The following CDH13 variants were observed in gnomAD, a reference collection of about 807,000 sequenced individuals.
CDH13 encodes cadherin 13.
CDH13 carries 24 observed loss-of-function variants against 63.8 expected under a neutral mutation model. That is an observed-to-expected ratio of 0.38 (90% CI 0.27 to 0.53). The LOEUF is 0.53. CDH13 is among the 20% of genes least tolerant of loss of function. The pLI, the probability that CDH13 is intolerant of heterozygous loss-of-function variation, is 0.85. For missense variants in CDH13, 1,049 were observed against 903.1 expected (o/e 1.16, Z -2.07); for synonymous variants, 503 against 355.3 (o/e 1.42, Z -4.67).
intron 9 of CDH13, among the ~76,000 whole-genome samples, chr16:83,671,270 AG>A (rs1364679473): frequency 6.6e-6 from 1 of 152,172 alleles, no homozygotes; most frequent in Non-Finnish European, 1.5e-5. Context: ...TTGTTTTTTG[AG>A]ACAGTCTCAC....
chr16:83,095,708 A>G (rs1434909690), intron 3 of CDH13, among the ~76,000 whole-genome samples: 1 of 152,190 alleles, frequency 6.6e-6, no homozygotes, highest in Admixed American at 6.5e-5. Context: ...AATCAGAACC[A>G]TGAATTCAGA....
At chr16:83,019,413 G>C (rs891101608) in intron 2 of CDH13, among the ~76,000 whole-genome samples, 1 of 151,960 alleles carries the variant, frequency 6.6e-6, no homozygotes, top group African/African-American at 2.4e-5. Flanking sequence ...AACACGCATG[G>C]AGCCATCTCC....
intron 1 of CDH13, among the ~76,000 whole-genome samples, chr16:82,779,216 T>A (rs1056979115): frequency 6.6e-6 from 1 of 152,204 alleles, no homozygotes; most frequent in Non-Finnish European, 1.5e-5. Context: ...AAGTACTATT[T>A]TCCCCATTTT....
chr16:83,741,326 T>A (rs1207688613), intron 10 of CDH13, among the ~76,000 whole-genome samples: 2 of 152,134 alleles, frequency 1.3e-5, no homozygotes, highest in African/African-American at 2.4e-5. Context: ...AAATAGGGTG[T>A]GAAGAATTCC....
intron 1 of CDH13, among the ~76,000 whole-genome samples, chr16:82,713,748 T>C (rs2032136794): frequency 6.7e-6 from 1 of 150,248 alleles, no homozygotes; most frequent in Non-Finnish European, 1.5e-5. Flanking sequence ...CCTAGGTCTC[T>C]GACTAATTCT....
chr16:83,417,145 C>A (rs1457840385), intron 6 of CDH13, among the ~76,000 whole-genome samples: 7 of 152,118 alleles, frequency 4.6e-5, no homozygotes, highest in African/African-American at 1.7e-4. Context: ...AGCCCAAGGA[C>A]ACACAGTTTC....
chr16:83,728,557 C>T (rs1014728895), intron 10 of CDH13, among the ~76,000 whole-genome samples: 1 of 152,072 alleles, frequency 6.6e-6, no homozygotes, highest in Non-Finnish European at 1.5e-5. Context: ...CCCACTCAGT[C>T]ACCAGTGTTT....
At chr16:83,523,758 T>A (rs1191893436) in intron 7 of CDH13, among the ~76,000 whole-genome samples, 1 of 152,236 alleles carries the variant, frequency 6.6e-6, no homozygotes, top group East Asian at 1.9e-4. Flanking sequence ...TTCTGTGGCA[T>A]GGTTGCAAGG....
intron 8 of CDH13, among the ~76,000 whole-genome samples, chr16:83,624,701 C>A (rs1057145869): frequency 2.0e-5 from 3 of 152,022 alleles, no homozygotes; most frequent in African/African-American, 7.2e-5. Flanking sequence ...GGTTGGGGAC[C>A]CTTGCCCTAG....
chr16:83,188,516 G>C (rs960341714), intron 4 of CDH13, among the ~76,000 whole-genome samples: 7 of 152,206 alleles, frequency 4.6e-5, no homozygotes, highest in African/African-American at 9.6e-5. Context: ...TCTCCCAGAG[G>C]GGGGAAACTG....
intron 3 of CDH13, among the ~76,000 whole-genome samples, chr16:83,093,079 G>C (rs1279826968): frequency 6.6e-6 from 1 of 151,948 alleles, no homozygotes; most frequent in Non-Finnish European, 1.5e-5. Flanking sequence ...CATTTGATTA[G>C]CAATTTCTAG....
chr16:83,363,865 CAATG>C (rs1567618577), intron 6 of CDH13, among the ~76,000 whole-genome samples: 1 of 152,128 alleles, frequency 6.6e-6, no homozygotes, highest in African/African-American at 2.4e-5. Context: ...GAGAGCAAGA[CAATG>C]AATATCAGAG....
At chr16:83,080,636 A>G (rs1244657046) in intron 3 of CDH13, among the ~76,000 whole-genome samples, 2 of 152,142 alleles carry the variant, frequency 1.3e-5, no homozygotes, top group Non-Finnish European at 2.9e-5. Context: ...CTCCTGTATT[A>G]GCTGAGAGTC....
intron 2 of CDH13, among the ~76,000 whole-genome samples, chr16:82,867,541 C>G (rs2040191474): frequency 6.6e-6 from 1 of 152,196 alleles, no homozygotes; most frequent in Non-Finnish European, 1.5e-5. Context: ...GTTACTTGGT[C>G]ATGCCACCAT....
chr16:82,654,500 G>C (rs1911078918), intron 1 of CDH13, among the ~76,000 whole-genome samples: 1 of 152,206 alleles, frequency 6.6e-6, no homozygotes, highest in Non-Finnish European at 1.5e-5. Context: ...GGCTGTGTGG[G>C]AGGTGGAATG....
At chr16:82,803,830 A>G (rs2036999216) in intron 1 of CDH13, among the ~76,000 whole-genome samples, 1 of 152,204 alleles carries the variant, frequency 6.6e-6, no homozygotes, top group Admixed American at 6.5e-5. Flanking sequence ...GGGGAAATTT[A>G]TTGCTCAGTG....
intron 6 of CDH13, among the ~76,000 whole-genome samples, chr16:83,485,802 T>A (rs2073873400): frequency 6.6e-6 from 1 of 152,128 alleles, no homozygotes; most frequent in Non-Finnish European, 1.5e-5. Flanking sequence ...TGTACTCCTG[T>A]TTCCCCAACA....
intron 5 of CDH13, among the ~76,000 whole-genome samples, chr16:83,300,015 C>T (rs1415286301): frequency 1.3e-5 from 2 of 152,162 alleles, no homozygotes; most frequent in Non-Finnish European, 2.9e-5. Flanking sequence ...ATGAGAGCCT[C>T]AGTTTCGTCA....
chr16:83,517,266 A>G (rs148188246), intron 7 of CDH13, among the ~76,000 whole-genome samples: 5 of 152,382 alleles, frequency 3.3e-5, no homozygotes, highest in Admixed American at 1.3e-4. Context: ...GAGATTATCA[A>G]TCTAAAAGCA....
Sources: allele counts gnomAD v4.1 joint callset (sites outside exome capture counted in the v4.1 genomes callset), GRCh38; gene constraint gnomAD v4.1.1; transcripts MANE v1.5; gene names NCBI Gene and HGNC (gene_info 2026-07-23, HGNC 2026-07-21).